Variants in LPAR1 observed in about 807,000 individuals in gnomAD.
The protein encoded by LPAR1 is lysophosphatidic acid receptor 1.
Under a neutral mutation model 23.8 loss-of-function variants are expected in LPAR1, and 5 were observed. That is an observed-to-expected ratio of 0.21 (90% CI 0.11 to 0.44). The LOEUF is 0.44. Among genes scored for constraint, LPAR1 ranks in the 20% least tolerant of loss-of-function variants. The pLI is 0.99. For synonymous variants in LPAR1, 160 were observed against 164.7 expected (o/e 0.97, Z 0.22); for missense variants, 311 against 482.8 (o/e 0.64, Z 3.33).
At chr9:110,879,278 C>T (rs762382179) in intron 5 of LPAR1, among the ~76,000 whole-genome samples, 10 of 151,832 alleles carry the variant, frequency 6.6e-5, no homozygotes, top group East Asian at 1.9e-4. Flanking sequence ...ATTAGCCAGG[C>T]GTGGTGGCGC....
intron 5 of LPAR1, among the ~76,000 whole-genome samples, chr9:110,921,842 T>C (rs532670636): frequency 1.3e-5 from 2 of 152,244 alleles, no homozygotes; most frequent in African/African-American, 4.8e-5. Context: ...AGGCATGCCA[T>C]TAGGGCAGGT....
At chr9:110,965,603 A>G (rs192621829) in intron 4 of LPAR1, among the ~76,000 whole-genome samples, 268 of 152,352 alleles carry the variant, frequency 1.8e-3, no homozygotes, top group African/African-American at 6.4e-3. Flanking sequence ...AATGATGATT[A>G]TTAAAAAGTC....
intron 2 of LPAR1, among the ~76,000 whole-genome samples, chr9:111,010,001 ATATATATATATATATATATAT>A (rs2097299857): frequency 9.1e-4 from 2 of 2,192 alleles, no homozygotes; most frequent in Non-Finnish European, 1.7e-3. Context: ...TTAGGAAAAT[ATATATATATATATATATATAT>A]ATATATATAT....
At chr9:110,999,924 G>C (rs1381088938) in intron 2 of LPAR1, among the ~76,000 whole-genome samples, 1 of 152,056 alleles carries the variant, frequency 6.6e-6, no homozygotes, top group Non-Finnish European at 1.5e-5. Flanking sequence ...TGTTGCCCAG[G>C]TTGGTCTCAA....
intron 2 of LPAR1, chr9:110,999,328 T>A: frequency 2.2e-6 from 1 of 451,568 alleles, no homozygotes; most frequent in Non-Finnish European, 4.4e-6. Flanking sequence ...GTCCAACGAA[T>A]GCTTTAATTG....
At chr9:110,965,771 G>A (rs1340539147) in intron 4 of LPAR1, among the ~76,000 whole-genome samples, 1 of 152,142 alleles carries the variant, frequency 6.6e-6, no homozygotes, top group Admixed American at 6.5e-5. Flanking sequence ...CCCATTACTG[G>A]GTATATACCC....
At chr9:110,964,809 C>CAA in intron 4 of LPAR1, among the ~76,000 whole-genome samples, 1 of 140,612 alleles carries the variant, frequency 7.1e-6, no homozygotes, top group East Asian at 2.1e-4. Flanking sequence ...TAAGGATGTC[C>CAA]AAAAAAAAGT....
chr9:110,903,650 T>G (rs1340884746), intron 5 of LPAR1, among the ~76,000 whole-genome samples: 3 of 151,966 alleles, frequency 2.0e-5, no homozygotes, highest in African/African-American at 7.2e-5. Flanking sequence ...CCTCAAGGAC[T>G]TGTAGCACAA....
At chr9:110,994,002 C>T (rs982139982) in intron 2 of LPAR1, among the ~76,000 whole-genome samples, 2 of 152,312 alleles carry the variant, frequency 1.3e-5, no homozygotes, top group East Asian at 3.9e-4. Flanking sequence ...GACTCAAACA[C>T]TTCCCTAGAA....
At chr9:110,936,955 G>A (rs186947332) in intron 5 of LPAR1, among the ~76,000 whole-genome samples, 12 of 152,170 alleles carry the variant, frequency 7.9e-5, no homozygotes, top group Admixed American at 7.9e-4. Context: ...TAGTGGAAAC[G>A]ACTCAGAAGG....
intron 4 of LPAR1, among the ~76,000 whole-genome samples, chr9:110,943,754 G>C (rs951997300): frequency 6.6e-6 from 1 of 151,718 alleles, no homozygotes; most frequent in Non-Finnish European, 1.5e-5. Flanking sequence ...CAGCTACTCA[G>C]GAGGCTGAAG....
chr9:110,947,844 G>C (rs905989480), intron 4 of LPAR1, among the ~76,000 whole-genome samples: 22 of 152,212 alleles, frequency 1.4e-4, no homozygotes, highest in African/African-American at 5.1e-4. Context: ...ATTTAGATAT[G>C]AATGTAAATA....
chr9:110,889,800 T>C (rs7037351), intron 5 of LPAR1, among the ~76,000 whole-genome samples: 27,469 of 152,138 alleles, frequency 0.18, 2,810 homozygotes, highest in Admixed American at 0.25. Flanking sequence ...TAAGTGATTG[T>C]GTTATATCCA....
At chr9:110,994,894 C>T (rs2096965985) in intron 2 of LPAR1, among the ~76,000 whole-genome samples, 1 of 152,124 alleles carries the variant, frequency 6.6e-6, no homozygotes, top group Non-Finnish European at 1.5e-5. Context: ...TGCCAAAAGT[C>T]AAATAGGTCT....
chr9:110,885,423 T>G (rs915888704), intron 5 of LPAR1, among the ~76,000 whole-genome samples: 1 of 152,216 alleles, frequency 6.6e-6, no homozygotes, highest in African/African-American at 2.4e-5. Context: ...AAATGCTAAA[T>G]GAGATAATTA....
chr9:110,902,007 G>GA (rs940038023), intron 5 of LPAR1, among the ~76,000 whole-genome samples: 56 of 151,534 alleles, frequency 3.7e-4, no homozygotes, highest in African/African-American at 1.3e-3. Flanking sequence ...ATAAACCCTA[G>GA]AAAAAAAACA....
At chr9:111,010,018 T>TATATATAC (rs2097301287) in intron 2 of LPAR1, among the ~76,000 whole-genome samples, 1 of 15,690 alleles carries the variant, frequency 6.4e-5, no homozygotes, top group Non-Finnish European at 2.2e-4. Context: ...TATATATATA[T>TATATATAC]ATATATATAT....
intron 5 of LPAR1, among the ~76,000 whole-genome samples, chr9:110,936,513 A>T (rs2094717284): frequency 6.6e-6 from 1 of 152,172 alleles, no homozygotes; most frequent in South Asian, 2.1e-4. Flanking sequence ...TACTTAACCT[A>T]TCCTAATTCA....
At chr9:110,891,626 T>C (rs1397932607) in intron 5 of LPAR1, among the ~76,000 whole-genome samples, 2 of 152,210 alleles carry the variant, frequency 1.3e-5, no homozygotes, top group Non-Finnish European at 2.9e-5. Context: ...CAATAAATAG[T>C]CTTGGAATAA....
Sources: allele counts gnomAD v4.1 joint callset (sites outside exome capture counted in the v4.1 genomes callset), GRCh38; gene constraint gnomAD v4.1.1; transcripts MANE v1.5; gene names NCBI Gene and HGNC (gene_info 2026-07-23, HGNC 2026-07-21).